Variants in NRXN1 observed in about 807,000 individuals in gnomAD.
NRXN1 encodes neurexin 1.
A neutral mutation model predicts 150.9 loss-of-function variants in NRXN1; 39 were observed. The ratio of observed to expected loss-of-function variants is 0.26; its 90% CI spans 0.20 to 0.34. The LOEUF (loss-of-function observed/expected upper bound fraction) is 0.34, where lower values mean the gene tolerates loss of function less well. Among genes scored for constraint, NRXN1 ranks in the 10% least tolerant of loss-of-function variants. NRXN1 has a pLI of 1.00. For synonymous variants in NRXN1, 924 were observed against 757.0 expected, an observed-to-expected ratio of 1.22 and a Z score of -3.62; for missense variants, 1,815 against 1,949.9, an observed-to-expected ratio of 0.93 and a Z score of 1.30.
chr2:50,053,191 A>G, intron 21 of NRXN1, 80 bp downstream of exon 21: 2 of 1,436,670 alleles, frequency 1.4e-6, no homozygotes, highest in Non-Finnish European at 2.0e-6. Context: ...GTTCCAATTT[A>G]GAAAAGACGC....
intron 18 of NRXN1, among the ~76,000 whole-genome samples, chr2:50,217,071 A>G (rs937063943): frequency 2.0e-5 from 3 of 152,084 alleles, no homozygotes; most frequent in African/African-American, 7.2e-5. Flanking sequence ...ACCTGGGTCA[A>G]GACACTAGTG....
intron 8 of NRXN1, among the ~76,000 whole-genome samples, chr2:50,611,543 A>G (rs1678135576): frequency 6.6e-6 from 1 of 152,176 alleles, no homozygotes; most frequent in South Asian, 2.1e-4. Context: ...TGTCTATGGC[A>G]AGGTGCCTGG....
Position 49,998,205 on chromosome 2 carries a change from A to G in NRXN1, c.4129-54414T>C, listed in dbSNP as rs538155065. ...TTTACCTGCTCTAAACTCTGAAAAG[A>G]TGATGGTGTGTTCATCCCTGAACCT... On this transcript the variant is annotated intron_variant, in intron 21 of 22. Coordinates refer to ENST00000401669, the MANE Select transcript of NRXN1 (RefSeq NM_001330078.2). Among the ~76,000 whole-genome samples the G allele has an allele frequency of 5.3e-5, 8 of 152,308 alleles. No individual in the cohort carries two copies. The South Asian group carries it at 1.7e-3, about 32-fold the overall frequency.
intron 17 of NRXN1, among the ~76,000 whole-genome samples, chr2:50,448,557 C>T (rs2086674599): frequency 1.3e-5 from 2 of 152,178 alleles, no homozygotes; most frequent in African/African-American, 4.8e-5. Context: ...AAACCCTGAG[C>T]TTCCCAGAGT....
intron 2 of NRXN1, among the ~76,000 whole-genome samples, chr2:50,944,841 G>A (rs1025984695): frequency 6.6e-6 from 1 of 152,206 alleles, no homozygotes; most frequent in Non-Finnish European, 1.5e-5. Flanking sequence ...GACTCAACTA[G>A]CACTGTGTGT....
intron 2 of NRXN1, among the ~76,000 whole-genome samples, chr2:50,974,035 C>T (rs915154294): frequency 5.9e-5 from 9 of 152,074 alleles, no homozygotes; most frequent in Admixed American, 1.3e-4. Context: ...ATTATTTGCA[C>T]ATTACAGAGC....
chr2:50,663,406 C>T (rs1687588098), intron 5 of NRXN1, among the ~76,000 whole-genome samples: 1 of 151,946 alleles, frequency 6.6e-6, no homozygotes, highest in African/African-American at 2.4e-5. Context: ...CAGCTCTGTT[C>T]CCTCTGTTTT....
chr2:50,020,637 T>C (rs1412575716), intron 21 of NRXN1, among the ~76,000 whole-genome samples: 1 of 152,194 alleles, frequency 6.6e-6, no homozygotes, highest in Non-Finnish European at 1.5e-5. Context: ...CTGTTTCACT[T>C]CTCAGGAGCA....
intron 5 of NRXN1, among the ~76,000 whole-genome samples, chr2:50,734,818 C>T (rs577612456): frequency 6.6e-6 from 1 of 151,758 alleles, no homozygotes. Context: ...GCAGAGCATA[C>T]ATTTCAGTAC....
chr2:50,281,987 A>G (rs1477063249), intron 17 of NRXN1, among the ~76,000 whole-genome samples: 1 of 152,212 alleles, frequency 6.6e-6, no homozygotes, highest in African/African-American at 2.4e-5. Flanking sequence ...CATTGTTACC[A>G]TAAAATTAGT....
intron 18 of NRXN1, among the ~76,000 whole-genome samples, chr2:50,136,596 A>G (rs529835310): frequency 6.6e-6 from 1 of 152,298 alleles, no homozygotes; most frequent in South Asian, 2.1e-4. Flanking sequence ...AAAAGGTGTC[A>G]TGGACCCCGG....
At chr2:50,402,416 T>C (rs559892462) in intron 17 of NRXN1, among the ~76,000 whole-genome samples, 54 of 152,228 alleles carry the variant, frequency 3.5e-4, no homozygotes, top group South Asian at 1.2e-3. Flanking sequence ...CTGTTTCCAA[T>C]GATGAATATC....
At chr2:50,621,064 C>A (rs1222464876) in intron 7 of NRXN1, 162 bp downstream of exon 7, 1 of 571,154 alleles carries the variant, frequency 1.8e-6, no homozygotes, top group Non-Finnish European at 3.0e-6. Context: ...AGAAGGTCAA[C>A]AACAGATGAA....
rs937402356 is a variant in NRXN1, at chr2:50,740,912, G to A, written c.833-117297C>T. On this transcript the variant is annotated intron_variant, in intron 5 of 22. Coordinates refer to ENST00000401669, the MANE Select transcript of NRXN1 (RefSeq NM_001330078.2). ...ACTACCCACAGCTTGGTTAATGAAC[G>A]TTATTTTTAGTTGAATTACTAACAA... is the stretch of plus-strand genomic sequence containing the variant. 2.6e-5 allele frequency among the ~76,000 whole-genome samples: 4 copies of A among 152,074 alleles called. No individual in the cohort carries two copies. The South Asian group carries it at 6.2e-4, about 24-fold the overall frequency.
chr2:50,458,529 T>A (rs545837618), intron 17 of NRXN1, among the ~76,000 whole-genome samples: 34 of 152,260 alleles, frequency 2.2e-4, no homozygotes, highest in Non-Finnish European at 7.4e-5. Flanking sequence ...TGTGTGCTTA[T>A]ATTAAAATAC....
chr2:50,973,477 T>G (rs1426810640), intron 2 of NRXN1, among the ~76,000 whole-genome samples: 1 of 152,220 alleles, frequency 6.6e-6, no homozygotes, highest in Non-Finnish European at 1.5e-5. Flanking sequence ...GAATGCCTAC[T>G]AAGTACACAG....
chr2:50,215,254 T>G (rs1486474434), intron 18 of NRXN1, among the ~76,000 whole-genome samples: 1 of 151,998 alleles, frequency 6.6e-6, no homozygotes, highest in African/African-American at 2.4e-5. Context: ...AGAAAAAGGT[T>G]ATTATAAGGC....
intron 5 of NRXN1, among the ~76,000 whole-genome samples, chr2:50,752,659 T>C (rs147342095): frequency 6.6e-6 from 1 of 151,878 alleles, no homozygotes; most frequent in Non-Finnish European, 1.5e-5. Context: ...CTTCCCATTA[T>C]GTGTATTCAA....
At chr2:51,003,597 G>A (rs966636729) in intron 2 of NRXN1, among the ~76,000 whole-genome samples, 1 of 151,898 alleles carries the variant, frequency 6.6e-6, no homozygotes, top group Non-Finnish European at 1.5e-5. Flanking sequence ...ATTGAAAAAA[G>A]GCAGACTGGG....
Sources: gnomAD v4.1 joint callset for allele counts (sites outside exome capture counted in the v4.1 genomes callset) on GRCh38, gnomAD v4.1.1 for gene constraint, MANE v1.5 for transcripts, NCBI Gene and HGNC (gene_info 2026-07-23, HGNC 2026-07-21) for gene names.